The following PLCL2 variants were observed in gnomAD, a reference collection of about 807,000 sequenced individuals.
PLCL2 encodes the protein inactive phospholipase C-like protein 2.
A neutral mutation model predicts 79.6 loss-of-function variants in PLCL2; 4 were observed. The ratio of observed to expected loss-of-function variants is 0.05; its 90% CI spans 0.02 to 0.11. The LOEUF (loss-of-function observed/expected upper bound fraction) is 0.11. Ranked by LOEUF, PLCL2 falls within the 10% of genes least tolerant of loss-of-function variation. PLCL2 has a pLI of 1.00. For synonymous variants in PLCL2, 484 were observed against 457.7 expected, an observed-to-expected ratio of 1.06 and a Z score of -0.73; for missense variants, 895 against 1,291.0, an observed-to-expected ratio of 0.69 and a Z score of 4.70.
At chr3:16,999,903 A>G (rs1170670235) in intron 1 of PLCL2, among the ~76,000 whole-genome samples, 3 of 152,204 alleles carry the variant, frequency 2.0e-5, no homozygotes, top group African/African-American at 7.2e-5. Flanking sequence ...ACAACTCTGT[A>G]AAACATTTAT....
chr3:16,896,322 G>A (rs1350198061), intron 1 of PLCL2, among the ~76,000 whole-genome samples: 3 of 152,090 alleles, frequency 2.0e-5, no homozygotes, highest in African/African-American at 7.2e-5. Context: ...TGGAGAGAGG[G>A]GCAGCTTGCT....
intron 1 of PLCL2, among the ~76,000 whole-genome samples, chr3:16,964,890 G>A (rs1359940011): frequency 6.6e-6 from 1 of 151,894 alleles, no homozygotes; most frequent in South Asian, 2.1e-4. Context: ...TTGTAAATTT[G>A]TTTGAGTTCA....
chr3:17,011,621 A>G lies in PLCL2; in HGVS notation c.2275A>G (p.Lys759Glu). Residue 759 changes from lysine (K) to glutamate (E), a missense_variant, in exon 2 of 6, where the codon AAA (lysine) becomes GAA (glutamate). Coordinates refer to ENST00000615277, the MANE Select transcript of PLCL2 (RefSeq NM_001144382.2). The surrounding 1 kb of genome is among the most constrained non-coding windows in gnomAD (Gnocchi z 7.9). Reference protein sequence around the residue: ...PGVSPQLLHIKIISGQNFPKP... With the variant: ...PGVSPQLLHIEIISGQNFPKP... Reference sequence around the variant, plus strand: ...GGTCTCACCTCAACTTCTTCACATTAAAATCATCAGTGGGCAGAACTTTCC... The same window carrying G: ...GGTCTCACCTCAACTTCTTCACATTGAAATCATCAGTGGGCAGAACTTTCC... The G allele has an allele frequency of 6.2e-7, 1 of 1,614,138 alleles. No individual in the cohort carries two copies. The highest frequency in any genetic ancestry group is 1.1e-5 in the South Asian group (1 of 91,074).
chr3:16,892,432 A>T (rs1327108028), intron 1 of PLCL2, among the ~76,000 whole-genome samples: 1 of 88,710 alleles, frequency 1.1e-5, no homozygotes, highest in Non-Finnish European at 2.7e-5. Flanking sequence ...TTGCTAAGGG[A>T]TTTAATCTGT....
At position 16,886,504 on chromosome 3, in the gene PLCL2, C is replaced by T. The variant is rs191285859; in HGVS notation, c.327+1138C>T. Among the ~76,000 whole-genome samples, 25 of 152,324 alleles carry T rather than the reference C, an allele frequency of 1.6e-4. No homozygotes were observed. Among genetic ancestry groups the T allele is most frequent in the Admixed American group, 1.4e-3 (21 of 15,300 alleles). Reference sequence around the variant, plus strand: ...TGAAAATGTCTGATGGTGTTATCAACTTATGCAGTAATCTAGTGAAATATA... The same window carrying T: ...TGAAAATGTCTGATGGTGTTATCAATTTATGCAGTAATCTAGTGAAATATA... On this transcript the variant is annotated intron_variant, in intron 1 of 5. Coordinates refer to ENST00000615277, the MANE Select transcript of PLCL2 (RefSeq NM_001144382.2). The surrounding 1 kb of genome is among the most constrained non-coding windows in gnomAD (Gnocchi z 4.2).
intron 1 of PLCL2, among the ~76,000 whole-genome samples, chr3:16,948,187 G>T (rs956226999): frequency 2.6e-5 from 4 of 152,120 alleles, no homozygotes; most frequent in African/African-American, 9.7e-5. Flanking sequence ...GCAATAAGAA[G>T]AAATGAAGTA....
intron 3 of PLCL2, among the ~76,000 whole-genome samples, chr3:17,038,357 C>T (rs1417354092): frequency 2.0e-5 from 3 of 152,154 alleles, no homozygotes; most frequent in Non-Finnish European, 2.9e-5. Context: ...GATTGCTGTG[C>T]CAAGACTTAC....
intron 1 of PLCL2, among the ~76,000 whole-genome samples, chr3:16,896,217 A>G (rs1696475730): frequency 6.6e-6 from 1 of 152,114 alleles, no homozygotes; most frequent in Admixed American, 6.5e-5. Flanking sequence ...CTGTCTGTGG[A>G]TCAGCATGTG....
chr3:16,976,118 G>A (rs1015998510), intron 1 of PLCL2, among the ~76,000 whole-genome samples: 3 of 152,196 alleles, frequency 2.0e-5, no homozygotes, highest in Non-Finnish European at 2.9e-5. Flanking sequence ...AGAGGGGATG[G>A]CTCTAAACGA....
At chr3:17,033,310 G>A (rs887634409) in intron 3 of PLCL2, among the ~76,000 whole-genome samples, 5 of 152,136 alleles carry the variant, frequency 3.3e-5, no homozygotes, top group African/African-American at 1.2e-4. Flanking sequence ...CATTAAAATA[G>A]TTGAATACAG....
In PLCL2 at chr3:17,009,293, A is replaced by T. The variant is rs957378997; in HGVS notation, c.328-381A>T. 7.9e-5 allele frequency among the ~76,000 whole-genome samples: 12 copies of T among 151,314 alleles called. No homozygotes were observed. The highest frequency in any genetic ancestry group is 4.2e-4 in the South Asian group (2 of 4,776). ...GAGCCACCATGCCCGGCCAAAAAAA[A>T]TTTTTTTTTGTAGAGATGGGATCTC... On this transcript the variant is annotated intron_variant, in intron 1 of 5. Coordinates refer to ENST00000615277, the MANE Select transcript of PLCL2 (RefSeq NM_001144382.2). The surrounding 1 kb of genome is among the most constrained non-coding windows in gnomAD (Gnocchi z 4.0).
chr3:17,053,550 C>T (rs570530882), intron 4 of PLCL2, among the ~76,000 whole-genome samples: 1 of 152,298 alleles, frequency 6.6e-6, no homozygotes, highest in South Asian at 2.1e-4. Flanking sequence ...AAAATACAAT[C>T]ATCCCTTCCC....
intron 4 of PLCL2, among the ~76,000 whole-genome samples, chr3:17,047,106 G>T (rs992266727): frequency 6.6e-6 from 1 of 152,088 alleles, no homozygotes; most frequent in Non-Finnish European, 1.5e-5. Context: ...TTCTGGGGAG[G>T]GAGAATTGTG....
chr3:17,043,047 T>C (rs747118258), intron 4 of PLCL2, 98 bp downstream of exon 4: 9 of 785,336 alleles, frequency 1.1e-5, no homozygotes, highest in Admixed American at 8.1e-5. Flanking sequence ...ATCAAGAAAA[T>C]CAAATAAGAA....
intron 1 of PLCL2, among the ~76,000 whole-genome samples, chr3:16,980,813 A>G (rs4685415): frequency 0.6 from 91,329 of 151,668 alleles, 27,959 homozygotes; most frequent in African/African-American, 0.71. Context: ...GTAGCCAGCC[A>G]AGATCACGCC....
chr3:16,956,894 A>G (rs926299019), intron 1 of PLCL2, among the ~76,000 whole-genome samples: 8 of 151,926 alleles, frequency 5.3e-5, no homozygotes, highest in African/African-American at 1.9e-4. Context: ...ATCATTTTTT[A>G]TTGCATCTAT....
intron 1 of PLCL2, among the ~76,000 whole-genome samples, chr3:16,973,414 T>C (rs34437014): frequency 0.16 from 23,848 of 150,920 alleles, 2,375 homozygotes; most frequent in Non-Finnish European, 0.21. Flanking sequence ...CTTGGGGATG[T>C]CATCTTGTAT....
At chr3:16,988,613 T>G (rs1295366203) in intron 1 of PLCL2, among the ~76,000 whole-genome samples, 1 of 152,042 alleles carries the variant, frequency 6.6e-6, no homozygotes, top group Non-Finnish European at 1.5e-5. Context: ...GCTACCATCT[T>G]TTTTTTGGCT....
chr3:17,033,379 A>G (rs12108065), intron 3 of PLCL2, among the ~76,000 whole-genome samples: 53,578 of 152,008 alleles, frequency 0.35, 9,954 homozygotes, highest in East Asian at 0.54. Flanking sequence ...GAAACTGAGA[A>G]TTTAACTTAG....
Sources: allele counts gnomAD v4.1 joint callset (sites outside exome capture counted in the v4.1 genomes callset), GRCh38; gene constraint gnomAD v4.1.1; non-coding constraint Gnocchi (gnomAD v3.1); transcripts MANE v1.5; gene names NCBI Gene and HGNC (gene_info 2026-07-23, HGNC 2026-07-21).